SPECC1L: variants seen among roughly 807,000 people sequenced by gnomAD.
The protein encoded by SPECC1L is sperm antigen with calponin homology and coiled-coil domains 1 like, also known as cytospin-A.
In SPECC1L, 40 loss-of-function variants were observed where a neutral mutation model predicts 116.8. The observed-to-expected ratio is 0.34, with a 90% CI of 0.27 to 0.45. The LOEUF (loss-of-function observed/expected upper bound fraction) is 0.45, where lower values mean the gene tolerates loss of function less well. Ranked by LOEUF, SPECC1L falls within the 20% of genes least tolerant of loss-of-function variation. The pLI, the probability that SPECC1L is intolerant of heterozygous loss-of-function variation, is 1.00. For missense variants in SPECC1L, 1,110 were observed against 1,373.6 expected (o/e 0.81, Z 3.03); for synonymous variants, 504 against 500.6 (o/e 1.01, Z -0.09).
intron 14 of SPECC1L, among the ~76,000 whole-genome samples, chr22:24,405,111 G>T (rs1224336401): frequency 6.6e-6 from 1 of 152,230 alleles, no homozygotes; most frequent in African/African-American, 2.4e-5. Context: ...CTCCTGCTGG[G>T]GTGGAAAGCT....
In SPECC1L at chr22:24,312,428, G is replaced by A. The variant is rs191744639; in HGVS notation, c.154-885G>A. 1.7e-3 allele frequency among the ~76,000 whole-genome samples: 262 copies of A among 152,336 alleles called. 1 individual carries two copies. Among genetic ancestry groups the A allele is most frequent in the African/African-American group, 5.5e-3 (229 of 41,576 alleles). On this transcript the variant is annotated intron_variant, in intron 3 of 16. Coordinates refer to ENST00000314328, the MANE Select transcript of SPECC1L (RefSeq NM_015330.6). Reference sequence around the variant, plus strand: ...TACCTTGTAGAAATGAATTCAGTATGATTATCTGAGAGAGGGCATGGTTCC... The same window carrying A: ...TACCTTGTAGAAATGAATTCAGTATAATTATCTGAGAGAGGGCATGGTTCC...
At chr22:24,333,716 T>C (rs896743458) in intron 8 of SPECC1L, among the ~76,000 whole-genome samples, 2 of 152,060 alleles carry the variant, frequency 1.3e-5, no homozygotes, top group Non-Finnish European at 2.9e-5. Flanking sequence ...TATATAGTTA[T>C]CAGGTACTGG....
intron 14 of SPECC1L, among the ~76,000 whole-genome samples, chr22:24,397,378 A>G (rs910372458): frequency 6.6e-6 from 1 of 152,188 alleles, no homozygotes; most frequent in Non-Finnish European, 1.5e-5. Context: ...CTGTACTCAG[A>G]TGGCCTGGAT....
At chr22:24,381,852 C>T (rs1377327775) in intron 14 of SPECC1L, among the ~76,000 whole-genome samples, 1 of 152,238 alleles carries the variant, frequency 6.6e-6, no homozygotes, top group Non-Finnish European at 1.5e-5. Context: ...CCACTGCACT[C>T]CAGTCTGGGC....
At chr22:24,281,406 A>C (rs879703010) in intron 2 of SPECC1L, among the ~76,000 whole-genome samples, 2 of 152,198 alleles carry the variant, frequency 1.3e-5, no homozygotes, top group Non-Finnish European at 2.9e-5. Flanking sequence ...GGAAGAATTG[A>C]CTTCTTAATA....
intron 10 of SPECC1L, among the ~76,000 whole-genome samples, chr22:24,343,940 A>G (rs1306199272): frequency 1.3e-5 from 2 of 152,210 alleles, no homozygotes; most frequent in African/African-American, 2.4e-5. Flanking sequence ...CTGGGAATCC[A>G]TAATTATTTC....
intron 3 of SPECC1L, among the ~76,000 whole-genome samples, chr22:24,311,760 A>C (rs1161811612): frequency 4.7e-5 from 7 of 148,284 alleles, no homozygotes; most frequent in Non-Finnish European, 7.4e-5. Flanking sequence ...AGCCGAGATC[A>C]TGCCAGTGCA....
At chr22:24,277,082 T>G (rs1344782153) in intron 2 of SPECC1L, among the ~76,000 whole-genome samples, 2 of 152,264 alleles carry the variant, frequency 1.3e-5, no homozygotes, top group Non-Finnish European at 2.9e-5. Context: ...GTTTGCTTCG[T>G]CTCCCCCATT....
Position 24,271,506 on chromosome 22 carries a change from C to T in SPECC1L, c.-142+523C>T, listed in dbSNP as rs533393136. Among the ~76,000 whole-genome samples, 7 of 152,352 alleles carry T rather than the reference C, an allele frequency of 4.6e-5. No individual in the cohort carries two copies. In the East Asian group the frequency reaches 5.8e-4, roughly 13 times the overall value. ...TGGCCGGCGCCCGAGGCGGACGGAA[C>T]GTCCTTTTTTCTTGAGACGTGGTTA... On this transcript the variant is annotated intron_variant, in intron 1 of 16. Coordinates refer to ENST00000314328, the MANE Select transcript of SPECC1L (RefSeq NM_015330.6).
At chr22:24,283,849 T>A (rs980834952) in intron 2 of SPECC1L, among the ~76,000 whole-genome samples, 4 of 152,188 alleles carry the variant, frequency 2.6e-5, no homozygotes, top group African/African-American at 9.6e-5. Flanking sequence ...TTCAAGAAAT[T>A]CATTTATTTT....
chr22:24,365,224 T>G (rs1043695525), intron 12 of SPECC1L, among the ~76,000 whole-genome samples: 3 of 152,146 alleles, frequency 2.0e-5, no homozygotes, highest in South Asian at 2.1e-4. Context: ...GCCAGGCTGG[T>G]CTGGAACTCC....
intron 14 of SPECC1L, among the ~76,000 whole-genome samples, chr22:24,404,659 T>A (rs1203967843): frequency 6.6e-6 from 1 of 152,182 alleles, no homozygotes; most frequent in Non-Finnish European, 1.5e-5. Flanking sequence ...AGCCGGCCTC[T>A]GACTGCCCTC....
intron 14 of SPECC1L, among the ~76,000 whole-genome samples, chr22:24,388,534 C>T (rs572674649): frequency 8.2e-4 from 124 of 151,496 alleles, no homozygotes; most frequent in African/African-American, 2.3e-3. Context: ...TGAATAGTGC[C>T]GCAATAAACA....
At chr22:24,296,518 G>A (rs573236434) in intron 2 of SPECC1L, among the ~76,000 whole-genome samples, 143 of 151,898 alleles carry the variant, frequency 9.4e-4, no homozygotes, top group African/African-American at 3.3e-3. Context: ...TGACTTTCCT[G>A]GACTAGAGGT....
chr22:24,305,407 A>G (rs180685436), intron 3 of SPECC1L, among the ~76,000 whole-genome samples: 1 of 152,276 alleles, frequency 6.6e-6, no homozygotes, highest in East Asian at 1.9e-4. Context: ...CCAGTTTTTG[A>G]TCTTTACAGG....
chr22:24,338,046 T>C (rs1035771774), intron 9 of SPECC1L, among the ~76,000 whole-genome samples: 17 of 152,244 alleles, frequency 1.1e-4, no homozygotes, highest in African/African-American at 4.1e-4. Context: ...GATATAGTTA[T>C]GTAAATACTC....
rs781405679 is a variant in SPECC1L at position 24,334,465 on chromosome 22, T to A, written c.2452T>A (p.Leu818Met). ...YNYMNAVERD[L>M]AALRQGMGLS... ...TTACATGAATGCCGTTGAGAGAGATTTGGCAGCCTTAAGGCAGGGAATGGG... is the reference window on the plus strand; with the variant it reads ...TTACATGAATGCCGTTGAGAGAGATATGGCAGCCTTAAGGCAGGGAATGGG... The change falls in exon 9 of 17, where the codon TTG becomes ATG. Residue 818 changes from leucine (L) to methionine (M), a missense_variant. Transcript: ENST00000314328. 6.2e-7 allele frequency: 1 copy of A among 1,614,140 alleles called. No individual in the cohort carries two copies. The highest frequency in any genetic ancestry group is 8.5e-7 in the Non-Finnish European group (1 of 1,180,012).
At chr22:24,364,720 C>T (rs1162734086) in intron 12 of SPECC1L, among the ~76,000 whole-genome samples, 1 of 150,328 alleles carries the variant, frequency 6.7e-6, no homozygotes, top group Non-Finnish European at 1.5e-5. Flanking sequence ...TGTAATAAAG[C>T]ATGTCTTTCC....
At chr22:24,357,673 G>T (rs945584315) in intron 11 of SPECC1L, among the ~76,000 whole-genome samples, 2 of 152,170 alleles carry the variant, frequency 1.3e-5, no homozygotes, top group African/African-American at 4.8e-5. Flanking sequence ...CTCAGGAGCT[G>T]GGCTGGGTTT....
Sources: allele counts gnomAD v4.1 joint callset (sites outside exome capture counted in the v4.1 genomes callset), GRCh38; gene constraint gnomAD v4.1.1; transcripts MANE v1.5; gene names NCBI Gene and HGNC (gene_info 2026-07-23, HGNC 2026-07-21).